Variants in DLEU7 observed in about 807,000 individuals in gnomAD.
The protein encoded by DLEU7 is leukemia-associated protein 7.
DLEU7 carries 17 observed loss-of-function variants against 16.0 expected under a neutral mutation model. The observed-to-expected ratio is 1.06, with a 90% CI of 0.73 to 1.59. DLEU7 has a LOEUF of 1.59. DLEU7 is among the 40% of genes most tolerant of loss of function. DLEU7 has a pLI of 0.00. For synonymous variants in DLEU7, 113 were observed against 139.8 expected, an observed-to-expected ratio of 0.81 and a Z score of 1.35; for missense variants, 308 against 314.9, an observed-to-expected ratio of 0.98 and a Z score of 0.17.
chr13:50,728,167 T>C (rs1056193984), intron 1 of DLEU7, among the ~76,000 whole-genome samples: 1 of 152,156 alleles, frequency 6.6e-6, no homozygotes, highest in Non-Finnish European at 1.5e-5. Context: ...AAGAAGCTAG[T>C]CCTTAGGTTG....
intron 1 of DLEU7, among the ~76,000 whole-genome samples, chr13:50,816,476 T>C (rs1263990379): frequency 1.3e-5 from 2 of 152,168 alleles, no homozygotes; most frequent in Admixed American, 1.3e-4. Flanking sequence ...GTTAACTTTA[T>C]TTATGTATAA....
chr13:50,775,235 C>T (rs188309831), intron 1 of DLEU7, among the ~76,000 whole-genome samples: 11 of 151,486 alleles, frequency 7.3e-5, no homozygotes, highest in South Asian at 4.2e-4. Flanking sequence ...CTCTGAAGAA[C>T]GTTGACTTTT....
In DLEU7 at chr13:50,823,149, A is replaced by C; in HGVS notation, c.*165T>G. The C allele has an allele frequency of 7.0e-7, 1 of 1,418,958 alleles. No individual in the cohort carries two copies. Among genetic ancestry groups the C allele is most frequent in the Non-Finnish European group, 9.2e-7 (1 of 1,088,744 alleles). The allele number at this position is 1,418,958 out of a possible 1,614,324, so 87.9% of individuals were successfully genotyped here. A position where few individuals can be genotyped will look rare whatever the true frequency, so the allele number is the denominator to read the frequency against. ...AAAAAAATTTCATTAACATGCTATA[A>C]TCCCGAAGGCTACAGATGCCACTGG... On this transcript the variant is annotated 3_prime_UTR_variant, in exon 2 of 2. Transcript: ENST00000504404.
chr13:50,754,785 T>C (rs1874702363), intron 1 of DLEU7, among the ~76,000 whole-genome samples: 2 of 152,224 alleles, frequency 1.3e-5, no homozygotes, highest in Admixed American at 6.5e-5. Context: ...TTATAGGTCC[T>C]GTGTGATTTA....
intron 1 of DLEU7, among the ~76,000 whole-genome samples, chr13:50,734,913 T>G (rs111340897): frequency 1.0e-3 from 156 of 152,174 alleles, no homozygotes; most frequent in African/African-American, 3.3e-3. Context: ...CTATAAGAGA[T>G]AAACTTTAAA....
chr13:50,831,132 G>C (rs907240269), intron 1 of DLEU7, among the ~76,000 whole-genome samples: 5 of 150,708 alleles, frequency 3.3e-5, no homozygotes, highest in African/African-American at 1.2e-4. Flanking sequence ...GGGGAGGGGA[G>C]GGGAGAGGGA....
chr13:50,841,398 T>G (rs1439026322), intron 1 of DLEU7, among the ~76,000 whole-genome samples: 1 of 152,124 alleles, frequency 6.6e-6, no homozygotes. Flanking sequence ...AACATGTATT[T>G]TTTTTTTAAA....
chr13:50,763,492 T>A (rs1316666399), intron 1 of DLEU7, among the ~76,000 whole-genome samples: 1 of 151,886 alleles, frequency 6.6e-6, no homozygotes, highest in Non-Finnish European at 1.5e-5. Context: ...AAGATGAACA[T>A]AGAAAGAAAA....
chr13:50,814,148 T>C (rs1876652110), intron 1 of DLEU7, among the ~76,000 whole-genome samples: 1 of 152,098 alleles, frequency 6.6e-6, no homozygotes, highest in African/African-American at 2.4e-5. Flanking sequence ...ACAAAAACAG[T>C]TTTATTTAGG....
At chr13:50,779,134 G>A (rs147243408) in intron 1 of DLEU7, among the ~76,000 whole-genome samples, 393 of 152,286 alleles carry the variant, frequency 2.6e-3, no homozygotes, top group Middle Eastern at 0.014. Context: ...AACACAGCAC[G>A]TTGTACAGCC....
intron 1 of DLEU7, among the ~76,000 whole-genome samples, chr13:50,750,125 G>A (rs1301199275): frequency 6.6e-6 from 1 of 152,070 alleles, no homozygotes; most frequent in African/African-American, 2.4e-5. Flanking sequence ...TGTGAGAGAT[G>A]AGGAACCAGT....
chr13:50,756,379 TG>T (rs1266293406), intron 1 of DLEU7, among the ~76,000 whole-genome samples: 2 of 152,116 alleles, frequency 1.3e-5, no homozygotes, highest in African/African-American at 4.8e-5. Flanking sequence ...TCTCCTTCGA[TG>T]GGTCTTGCTG....
chr13:50,744,761 A>T (rs1257808413), intron 1 of DLEU7, among the ~76,000 whole-genome samples: 1 of 152,242 alleles, frequency 6.6e-6, no homozygotes, highest in African/African-American at 2.4e-5. Flanking sequence ...TGAACAAAGT[A>T]CTTGAATAGA....
intron 1 of DLEU7, among the ~76,000 whole-genome samples, chr13:50,725,228 A>G (rs529481359): frequency 1.4e-4 from 22 of 152,268 alleles, no homozygotes; most frequent in Middle Eastern, 3.4e-3. Context: ...CCAGGTCCCA[A>G]TCTTCTCCAG....
chr13:50,797,879 G>A (rs779934429), intron 1 of DLEU7, among the ~76,000 whole-genome samples: 9 of 152,136 alleles, frequency 5.9e-5, no homozygotes, highest in Non-Finnish European at 1.0e-4. Flanking sequence ...TTGTAAGAAC[G>A]TACTATTGTC....
chr13:50,804,869 A>C (rs931530256), intron 1 of DLEU7, among the ~76,000 whole-genome samples: 4 of 144,500 alleles, frequency 2.8e-5, no homozygotes, highest in Non-Finnish European at 5.9e-5. Flanking sequence ...TATAGGAAGG[A>C]TGATGATTGT....
intron 1 of DLEU7, among the ~76,000 whole-genome samples, chr13:50,810,523 C>T (rs1876535093): frequency 3.3e-5 from 5 of 151,804 alleles, no homozygotes; most frequent in Admixed American, 3.3e-4. Flanking sequence ...GGATAAAGCC[C>T]AATCCTTCTC....
At chr13:50,781,484 A>T (rs1308860881) in intron 1 of DLEU7, among the ~76,000 whole-genome samples, 4 of 152,208 alleles carry the variant, frequency 2.6e-5, no homozygotes, top group Non-Finnish European at 5.9e-5. Flanking sequence ...AGCACCGCCA[A>T]CATCCCTAGA....
chr13:50,712,443 T>G (rs1051893773), exon 2 of DLEU7: 5 of 152,516 alleles, frequency 3.3e-5, no homozygotes, highest in African/African-American at 1.2e-4. Flanking sequence ...CAACTTTCTT[T>G]CTCGGTTCCT....
Sources: allele counts gnomAD v4.1 joint callset (sites outside exome capture counted in the v4.1 genomes callset), GRCh38; gene constraint gnomAD v4.1.1; transcripts MANE v1.5; gene names NCBI Gene and HGNC (gene_info 2026-07-23, HGNC 2026-07-21).